LDLRAD4: variants seen among roughly 807,000 people sequenced by gnomAD.
LDLRAD4 encodes low density lipoprotein receptor class A domain containing 4.
A neutral mutation model predicts 17.0 loss-of-function variants in LDLRAD4; 5 were observed. That is an observed-to-expected ratio of 0.29 (90% CI 0.15 to 0.62). The LOEUF is 0.62. LDLRAD4 is among the 20% of genes least tolerant of loss of function. The pLI is 0.84. For synonymous variants in LDLRAD4, 168 were observed against 171.8 expected (o/e 0.98, Z 0.17); for missense variants, 340 against 424.7 (o/e 0.80, Z 1.75).
At chr18:13,568,845 G>A (rs1349760150) in intron 3 of LDLRAD4, among the ~76,000 whole-genome samples, 1 of 152,120 alleles carries the variant, frequency 6.6e-6, no homozygotes, top group Non-Finnish European at 1.5e-5. Flanking sequence ...ATAGCCAAGC[G>A]TGCGTCTATC....
intron 3 of LDLRAD4, among the ~76,000 whole-genome samples, chr18:13,600,040 C>T (rs2095142891): frequency 6.6e-6 from 1 of 152,168 alleles, no homozygotes; most frequent in African/African-American, 2.4e-5. Flanking sequence ...TCTCAAACTC[C>T]TGAGCAAATG....
chr18:13,566,599 G>T (rs1291985899), intron 3 of LDLRAD4, among the ~76,000 whole-genome samples: 1 of 152,138 alleles, frequency 6.6e-6, no homozygotes, highest in Non-Finnish European at 1.5e-5. Flanking sequence ...TTGACCTCAT[G>T]ATCCACCCGC....
At chr18:13,390,949 C>G (rs2086230816) in intron 2 of LDLRAD4, among the ~76,000 whole-genome samples, 1 of 152,184 alleles carries the variant, frequency 6.6e-6, no homozygotes. Flanking sequence ...TTGCAAGAGT[C>G]CCTGTGATGT....
At chr18:13,353,953 C>T (rs1040862879) in intron 1 of LDLRAD4, among the ~76,000 whole-genome samples, 2 of 152,152 alleles carry the variant, frequency 1.3e-5, no homozygotes. Context: ...GGCCTGGAGC[C>T]TCCTGGTCTG....
At chr18:13,387,916 AAAT>A (rs2085948222) in intron 2 of LDLRAD4, among the ~76,000 whole-genome samples, 154 bp downstream of exon 3, 1 of 152,224 alleles carries the variant, frequency 6.6e-6, no homozygotes, top group South Asian at 2.1e-4. Flanking sequence ...GATTCTGACA[AAAT>A]AATAATGTGT....
rs1568082817 is a variant in LDLRAD4 at position 13,386,935 on chromosome 18, GATA to G, written c.-382-405_-382-403del. 5.4e-3 allele frequency among the ~76,000 whole-genome samples: 675 copies of G among 125,730 alleles called. 8 individuals are homozygous for G. Among genetic ancestry groups the G allele is most frequent in the African/African-American group, 0.019 (600 of 32,312 alleles). The allele number at this position is 125,730 out of a possible 152,430, so 82.5% of individuals were successfully genotyped here. A position where few individuals can be genotyped will look rare whatever the true frequency, so the allele number is the denominator to read the frequency against. On this transcript the variant is annotated intron_variant, in intron 1 of 5. Coordinates refer to ENST00000359446, the Ensembl canonical transcript of LDLRAD4. ...AGATAGATAGATAGATAGATAGATA[GATA>G]GATAGATAGATGGATGGATGGATAG...
intron 1 of LDLRAD4, among the ~76,000 whole-genome samples, chr18:13,253,949 C>T (rs1447390612): frequency 6.6e-6 from 1 of 152,242 alleles, no homozygotes; most frequent in African/African-American, 2.4e-5. Context: ...GCCCTAGAGC[C>T]GAGGCCGCAG....
chr18:13,315,281 G>T (rs537856122), intron 1 of LDLRAD4, among the ~76,000 whole-genome samples: 10 of 152,158 alleles, frequency 6.6e-5, no homozygotes, highest in Non-Finnish European at 1.2e-4. Flanking sequence ...ATTGGCCAGG[G>T]CCTCCAGTTC....
At chr18:13,515,265 TG>T (rs1250546975) in intron 3 of LDLRAD4, 1 of 152,206 alleles carries the variant, frequency 6.6e-6, no homozygotes, top group Non-Finnish European at 1.5e-5. Flanking sequence ...CCAAAATCCT[TG>T]GTGAGCTGCC....
chr18:13,484,201 T>C (rs1426814074), intron 3 of LDLRAD4: 3 of 152,312 alleles, frequency 2.0e-5, no homozygotes, highest in Non-Finnish European at 4.4e-5. Context: ...CTGGGGTCTG[T>C]AGGCTGAGAG....
chr18:13,278,332 G>A (rs961847521), intron 1 of LDLRAD4, 144 bp downstream of exon 2: 2 of 152,494 alleles, frequency 1.3e-5, no homozygotes, highest in African/African-American at 4.8e-5. Context: ...TTTCTTCTTT[G>A]GGGCTGGATG....
At chr18:13,463,537 A>AT (rs1293028843) in intron 3 of LDLRAD4, among the ~76,000 whole-genome samples, 1 of 152,168 alleles carries the variant, frequency 6.6e-6, no homozygotes, top group Non-Finnish European at 1.5e-5. Flanking sequence ...CCAAATTGTC[A>AT]TTTTTTTGAG....
chr18:13,360,237 G>A (rs1299859030), intron 1 of LDLRAD4, among the ~76,000 whole-genome samples: 4 of 152,158 alleles, frequency 2.6e-5, no homozygotes, highest in African/African-American at 4.8e-5. Flanking sequence ...ATCACATCTC[G>A]GAGCCACTTT....
intron 1 of LDLRAD4, among the ~76,000 whole-genome samples, chr18:13,248,093 T>C (rs1382776627): frequency 6.6e-6 from 1 of 151,928 alleles, no homozygotes. Context: ...CCTGAGTAGC[T>C]GGGATTACAG....
chr18:13,645,645 G>A lies in LDLRAD4; in HGVS notation c.909G>A (p.Gly303=). The A allele has an allele frequency of 1.3e-6, 2 of 1,514,512 alleles. No individual in the cohort carries two copies. The highest frequency in any genetic ancestry group is 2.3e-5 in the East Asian group (1 of 43,898). The allele number at this position is 1,514,512 out of a possible 1,614,324, so 93.8% of individuals were successfully genotyped here. A position where few individuals can be genotyped will look rare whatever the true frequency, so the allele number is the denominator to read the frequency against. Residue 303 remains glycine, a synonymous_variant, in exon 6 of 6, where the codon GGG becomes GGA. Coordinates refer to ENST00000359446, the Ensembl canonical transcript of LDLRAD4. This position sits in a 1 kb window ranked among gnomAD's most constrained non-coding sequence, Gnocchi z 5.7. ...TCAAAGGCAAAGATAGGAAGCCTGG[G>A]AACCTGGTCTGATTCCTTCCAACGT...
At chr18:13,353,765 TG>T (rs2083179001) in intron 1 of LDLRAD4, among the ~76,000 whole-genome samples, 1 of 152,194 alleles carries the variant, frequency 6.6e-6, no homozygotes, top group Admixed American at 6.5e-5. Context: ...TACACCAGGC[TG>T]GGAAGTAGGG....
In LDLRAD4 at chr18:13,562,633, C is replaced by T. The variant is rs111280124; in HGVS notation, c.182-58484C>T. ...AGTTCGTACCCTTTGACTAACATCT[C>T]CCCATCGTCCCTAATGGCCCAGCCC... On this transcript the variant is annotated intron_variant, in intron 3 of 5. Coordinates refer to ENST00000359446, the Ensembl canonical transcript of LDLRAD4. Among the ~76,000 whole-genome samples the T allele has an allele frequency of 3.6e-3, 544 of 152,294 alleles. 2 individuals carry two copies. The highest frequency in any genetic ancestry group is 0.013 in the African/African-American group (526 of 41,544).
chr18:13,541,542 G>T (rs2094282999), intron 3 of LDLRAD4, among the ~76,000 whole-genome samples: 1 of 152,224 alleles, frequency 6.6e-6, no homozygotes, highest in African/African-American at 2.4e-5. Context: ...ACATGAGCAT[G>T]TGGAGACTAG....
intron 3 of LDLRAD4, among the ~76,000 whole-genome samples, chr18:13,457,944 T>C (rs1404334861): frequency 1.3e-5 from 2 of 152,230 alleles, no homozygotes; most frequent in Non-Finnish European, 2.9e-5. Context: ...TGTTTGCCTA[T>C]GGAGTGAACA....
Sources: allele counts gnomAD v4.1 joint callset (sites outside exome capture counted in the v4.1 genomes callset), GRCh38; gene constraint gnomAD v4.1.1; non-coding constraint Gnocchi (gnomAD v3.1); transcripts MANE v1.5; gene names NCBI Gene and HGNC (gene_info 2026-07-23, HGNC 2026-07-21).